Variants in CLEC16A observed in about 807,000 individuals in gnomAD.
CLEC16A encodes C-type lectin domain containing 16A.
Under a neutral mutation model 109.5 loss-of-function variants are expected in CLEC16A, and 51 were observed. The ratio of observed to expected loss-of-function variants is 0.47; its 90% CI spans 0.37 to 0.59. CLEC16A has a LOEUF of 0.59. Ranked by LOEUF, CLEC16A falls within the 20% of genes least tolerant of loss-of-function variation. The probability of loss-of-function intolerance (pLI) is 0.00; values close to 1 mark genes in which losing one functional copy is unlikely to be tolerated. For missense variants in CLEC16A, 1,339 were observed against 1,394.0 expected, an observed-to-expected ratio of 0.96 and a Z score of 0.63; for synonymous variants, 673 against 564.2, an observed-to-expected ratio of 1.19 and a Z score of -2.73.
chr16:11,058,079 A>C (rs2152897905), intron 18 of CLEC16A, among the ~76,000 whole-genome samples: 1 of 152,302 alleles, frequency 6.6e-6, no homozygotes, highest in Non-Finnish European at 1.5e-5. Flanking sequence ...GGGGCTGCCC[A>C]ATGTGCCTAC....
chr16:11,044,790 G>A (rs769943619), intron 16 of CLEC16A, among the ~76,000 whole-genome samples: 1 of 152,076 alleles, frequency 6.6e-6, no homozygotes, highest in Non-Finnish European at 1.5e-5. Flanking sequence ...ATTAGGCATG[G>A]TGGCGCATGC....
At chr16:11,077,543 G>C (rs939818614) in intron 19 of CLEC16A, among the ~76,000 whole-genome samples, 1 of 151,856 alleles carries the variant, frequency 6.6e-6, no homozygotes, top group African/African-American at 2.4e-5. Flanking sequence ...TGTAGTTTCA[G>C]CTACTTGGGA....
chr16:11,101,120 C>T (rs2050890076), intron 19 of CLEC16A, among the ~76,000 whole-genome samples: 1 of 152,084 alleles, frequency 6.6e-6, no homozygotes, highest in Non-Finnish European at 1.5e-5. Context: ...ACTCTTTGTT[C>T]GTGTTATATT....
chr16:11,011,882 A>G (rs1418505700), intron 11 of CLEC16A, among the ~76,000 whole-genome samples: 3 of 151,676 alleles, frequency 2.0e-5, no homozygotes, highest in Non-Finnish European at 4.4e-5. Flanking sequence ...CTTCTTGTAC[A>G]CTGAGAGCCC....
rs759242341 is a variant in CLEC16A at position 11,039,827 on chromosome 16, C to T, written c.1611C>T (p.His537=). ...CGGCCGAGAAGACCACCTACAACCA[C>T]CCGCTAGCTGAAAGACTCATCAGGA... ...PNAAEKTTYN[H]PLAERLIRIM... Residue 537 remains histidine (H), a synonymous_variant, in exon 14 of 24, where the codon CAC becomes CAT. Coordinates refer to ENST00000409790, the MANE Select transcript of CLEC16A (RefSeq NM_015226.3). 1.2e-6 allele frequency: 2 copies of T among 1,612,440 alleles called. No individual in the cohort carries two copies. Among genetic ancestry groups the T allele is most frequent in the African/African-American group, 1.3e-5 (1 of 75,008 alleles).
In CLEC16A at chr16:10,961,478, G is replaced by C. The variant is rs569930284; in HGVS notation, c.210-977G>C. Among the ~76,000 whole-genome samples, 1 of 152,160 alleles carries C rather than the reference G, an allele frequency of 6.6e-6. No homozygotes were observed. Among genetic ancestry groups the C allele is most frequent in the African/African-American group, 2.4e-5 (1 of 41,440 alleles). On this transcript the variant is annotated intron_variant, in intron 2 of 23. Transcript: ENST00000409790. This position sits in a 1 kb window ranked among gnomAD's most constrained non-coding sequence, Gnocchi z 4.3. ...ATGCAAGATTATCTGGTGTTAGCTT[G>C]AGTACAGAGAACACATAACTAGAAA...
At chr16:11,070,560 C>G (rs1472280865) in intron 19 of CLEC16A, 1 of 152,190 alleles carries the variant, frequency 6.6e-6, no homozygotes, top group Non-Finnish European at 1.5e-5. Flanking sequence ...CAGTCACTTG[C>G]TTCTGTTTTG....
intron 12 of CLEC16A, among the ~76,000 whole-genome samples, chr16:11,020,530 CAA>C (rs1162607118): frequency 4.1e-5 from 6 of 146,248 alleles, no homozygotes; most frequent in Admixed American, 4.0e-4. Context: ...CACTCCTTTG[CAA>C]AGAGATTCGC....
chr16:11,012,018 C>T (rs933329395), intron 11 of CLEC16A, among the ~76,000 whole-genome samples: 4 of 152,116 alleles, frequency 2.6e-5, no homozygotes, highest in Non-Finnish European at 5.9e-5. Context: ...GCAATTTTCC[C>T]TCCCCCATGC....
intron 22 of CLEC16A, among the ~76,000 whole-genome samples, chr16:11,147,455 G>A (rs1046022895): frequency 3.3e-5 from 5 of 152,178 alleles, no homozygotes; most frequent in African/African-American, 9.7e-5. Flanking sequence ...GAGAATGGCC[G>A]ACAGAACCTG....
At chr16:11,085,684 C>A (rs1346525667) in intron 19 of CLEC16A, among the ~76,000 whole-genome samples, 1 of 152,258 alleles carries the variant, frequency 6.6e-6, no homozygotes, top group Non-Finnish European at 1.5e-5. Flanking sequence ...CTTCATCCCA[C>A]TGTGTGGGAC....
intron 13 of CLEC16A, among the ~76,000 whole-genome samples, chr16:11,026,839 C>T (rs527735608): frequency 2.0e-5 from 3 of 152,158 alleles, no homozygotes; most frequent in East Asian, 1.9e-4. Context: ...ACCCTGGAAG[C>T]GGTGCAACTT....
chr16:11,149,589 C>G (rs2054211763), intron 22 of CLEC16A, among the ~76,000 whole-genome samples: 1 of 152,108 alleles, frequency 6.6e-6, no homozygotes, highest in East Asian at 1.9e-4. Flanking sequence ...CTCAAGAGTT[C>G]AAGACCAGCC....
At chr16:11,074,912 C>G (rs1407245197) in intron 19 of CLEC16A, among the ~76,000 whole-genome samples, 2 of 152,102 alleles carry the variant, frequency 1.3e-5, no homozygotes, top group Non-Finnish European at 2.9e-5. Flanking sequence ...GTGGATCATG[C>G]CTATAATCCC....
intron 17 of CLEC16A, among the ~76,000 whole-genome samples, chr16:11,049,225 C>G (rs1485514108): frequency 6.6e-6 from 1 of 152,136 alleles, no homozygotes; most frequent in South Asian, 2.1e-4. Context: ...CCAGGCTGGT[C>G]TCAAACCCCT....
intron 2 of CLEC16A, 119 bp downstream of exon 2, chr16:10,958,029 A>T: frequency 1.0e-6 from 1 of 971,614 alleles, no homozygotes; most frequent in Non-Finnish European, 1.5e-6. Flanking sequence ...TCTTGCCTAG[A>T]TATCTATCTC....
intron 8 of CLEC16A, among the ~76,000 whole-genome samples, chr16:10,979,019 G>T (rs9940674): frequency 1.3e-5 from 2 of 151,920 alleles, no homozygotes; most frequent in Admixed American, 1.3e-4. Flanking sequence ...GGGGCGTCCA[G>T]TGCCCCAGCT....
chr16:11,123,574 G>T (rs555915484), intron 20 of CLEC16A, among the ~76,000 whole-genome samples, 168 bp from the exon 21 acceptor site: 88 of 152,300 alleles, frequency 5.8e-4, no homozygotes, highest in African/African-American at 1.9e-3. Context: ...GGCCTGGTCT[G>T]CCTTGTGCCC....
At chr16:11,034,328 C>T (rs17804890) in intron 13 of CLEC16A, among the ~76,000 whole-genome samples, 24,587 of 152,178 alleles carry the variant, frequency 0.16, 2,431 homozygotes, top group South Asian at 0.23. Context: ...GGTCAACAGA[C>T]GTTTTTAAAA....
Sources: gnomAD v4.1 joint callset for allele counts (sites outside exome capture counted in the v4.1 genomes callset) on GRCh38, gnomAD v4.1.1 for gene constraint, Gnocchi (gnomAD v3.1) non-coding constraint, MANE v1.5 for transcripts, NCBI Gene and HGNC (gene_info 2026-07-23, HGNC 2026-07-21) for gene names.